Variants in KLHL38 observed in about 807,000 individuals in gnomAD.
The protein encoded by KLHL38 is kelch like family member 38, also known as kelch-like protein 38.
In KLHL38, 38 loss-of-function variants were observed where a neutral mutation model predicts 39.6. The ratio of observed to expected loss-of-function variants is 0.96; its 90% CI spans 0.74 to 1.26. The LOEUF (loss-of-function observed/expected upper bound fraction) is 1.26, where lower values mean the gene tolerates loss of function less well. Among genes scored for constraint, KLHL38 ranks in the 50% most tolerant of loss-of-function variants. The pLI is 0.00. For missense variants in KLHL38, 803 were observed against 748.1 expected (o/e 1.07, Z -0.86); for synonymous variants, 322 against 302.2 (o/e 1.07, Z -0.68).
Position 123,652,623 on chromosome 8 carries a change from C to T in KLHL38, c.304G>A (p.Asp102Asn), listed in dbSNP as rs1224698083. The change falls in exon 2 of 4, where the codon GAC (aspartate) becomes AAC (asparagine). Residue 102 changes from aspartate (D) to asparagine (N), a missense_variant. Transcript: ENST00000684634. ...GCCTCCATCACGGGGAGGACATTGT[C>T]AGTGGCAATATGTGCCTCCCCCGTA... is the stretch of plus-strand genomic sequence containing the variant. ...VYTGEAHIAT[D>N]NVLPVMEAAS... The T allele has an allele frequency of 4.3e-6, 7 of 1,614,096 alleles. No individual in the cohort carries two copies. Among genetic ancestry groups the T allele is most frequent in the Non-Finnish European group, 5.9e-6 (7 of 1,180,044 alleles).
chr8:123,645,943 A>T lies in KLHL38; in HGVS notation c.1542T>A (p.His514Gln). The T allele has an allele frequency of 6.2e-7, 1 of 1,614,090 alleles. No individual in the cohort carries two copies. Among genetic ancestry groups the T allele is most frequent in the Non-Finnish European group, 8.5e-7 (1 of 1,180,002 alleles). ...GTTTGTTTCCCATCACTGTGGCCCCATGGTGCATCCTCCGGTCTTTCATGT... is the reference window on the plus strand; with the variant it reads ...GTTTGTTTCCCATCACTGTGGCCCCTTGGTGCATCCTCCGGTCTTTCATGT... ...CADMKDRRMH[H>Q]GATVMGNKLY... The change falls in exon 4 of 4, where the codon CAT becomes CAA. Residue 514 changes from histidine to glutamine, a missense_variant. Transcript: ENST00000684634.
rs770149372 is a variant in KLHL38 at position 123,651,787 on chromosome 8, G to C, written c.1140C>G (p.Ala380=). The change falls in exon 2 of 4, where the codon GCC becomes GCG. Residue 380 remains alanine, a synonymous_variant. Transcript: ENST00000684634. ...CGATGGAGAAGATGAAGTTCTTATGGGCAGTGCTTCTGTGGGAGTAGCGGG... is the reference window on the plus strand; with the variant it reads ...CGATGGAGAAGATGAAGTTCTTATGCGCAGTGCTTCTGTGGGAGTAGCGGG... ...LVARYSHRST[A]HKNFIFSIGG... The C allele has an allele frequency of 1.2e-6, 2 of 1,614,148 alleles. No individual in the cohort carries two copies. The highest frequency in any genetic ancestry group is 2.2e-5 in the South Asian group (2 of 91,084).
rs375302916 is a variant in KLHL38, at chr8:123,651,594, G to T, written c.1333C>A (p.Pro445Thr). Residue 445 changes from proline to threonine, a missense_variant, in exon 2 of 4, where the codon CCT (proline) becomes ACT (threonine). By Grantham distance (38) the Pro-to-Thr change is conservative. Coordinates refer to ENST00000684634, the MANE Select transcript of KLHL38 (RefSeq NM_001081675.3). ...LFGGEDIMQNPVRLIQVYHIS... is the reference protein window; with the variant it reads ...LFGGEDIMQNTVRLIQVYHIS... Reference sequence around the variant, plus strand: ...CCATTTACCTGGATAAGGCGCACAGGGTTCTGCATGATGTCCTCTCCTCCA... The same window carrying T: ...CCATTTACCTGGATAAGGCGCACAGTGTTCTGCATGATGTCCTCTCCTCCA... 5.0e-6 allele frequency: 8 copies of T among 1,587,198 alleles called. No individual in the cohort carries two copies. Among genetic ancestry groups the T allele is most frequent in the South Asian group, 4.6e-5 (4 of 86,376 alleles).
At chr8:123,651,309 T>C (rs1181868577) in intron 2 of KLHL38, among the ~76,000 whole-genome samples, 1 of 152,264 alleles carries the variant, frequency 6.6e-6, no homozygotes, top group Non-Finnish European at 1.5e-5. Flanking sequence ...TGTATATGTG[T>C]ATGCATGTGC....
rs774481169 is a variant in KLHL38 at position 123,645,734 on chromosome 8, C to T, written c.*5G>A. ...TTGACTAGGGCAGAAGGTTTCTTGT[C>T]GACCTCATGGGAGGCCAGACGTGCG... On this transcript the variant is annotated 3_prime_UTR_variant, in exon 4 of 4. Transcript: ENST00000684634. 5.3e-5 allele frequency: 85 copies of T among 1,611,634 alleles called. No homozygotes were observed. In the East Asian group the frequency reaches 1.7e-3, roughly 32 times the overall value.
At chr8:123,649,577 C>T (rs1812598196) in intron 2 of KLHL38, among the ~76,000 whole-genome samples, 1 of 152,196 alleles carries the variant, frequency 6.6e-6, no homozygotes, top group Non-Finnish European at 1.5e-5. Context: ...TTACCTCATT[C>T]ACCTTTCTTG....
rs769019515 is a variant in KLHL38, at chr8:123,645,886, C to T, written c.1599G>A (p.Thr533=). ...AGGCGGAGTCCTCAATGTTGCAGTC[C>T]GTGGTCAGCCGCCGCCCGCCCGTCA... ...LYVTGGRRLT[T]DCNIEDSASF... is the part of the protein sequence containing the mutation. Residue 533 remains threonine (T), a synonymous_variant, in exon 4 of 4, where the codon ACG becomes ACA. Transcript: ENST00000684634. 8.1e-6 allele frequency: 13 copies of T among 1,613,896 alleles called. No homozygotes were observed. The highest frequency in any genetic ancestry group is 6.6e-5 in the South Asian group (6 of 91,058).
chr8:123,647,009 A>T lies in KLHL38; in HGVS notation c.1356T>A (p.Tyr452Ter). ...MQNPVRLIQV[Y>*]HISRNSWFKM... ...TGAACCACGAGTTTCTGGAAATGTG[A>T]TAAACCTGAGGGAGAGAGAGAATCA... Residue 452 changes from tyrosine (Y) to a stop codon, truncating the protein, a stop_gained, in exon 3 of 4, where the codon TAT (tyrosine) becomes TAA (stop). Transcript: ENST00000684634. LOFTEE classifies it high-confidence loss of function. The T allele has an allele frequency of 6.3e-7, 1 of 1,581,950 alleles. No homozygotes were observed. The highest frequency in any genetic ancestry group is 8.7e-7 in the Non-Finnish European group (1 of 1,151,214).
chr8:123,647,466 T>C (rs1448779786), intron 2 of KLHL38, among the ~76,000 whole-genome samples: 1 of 152,092 alleles, frequency 6.6e-6, no homozygotes, highest in African/African-American at 2.4e-5. Flanking sequence ...GTGAGGAAGG[T>C]TTTTGAACCG....
chr8:123,649,792 A>C (rs1812602175), intron 2 of KLHL38, among the ~76,000 whole-genome samples: 1 of 152,132 alleles, frequency 6.6e-6, no homozygotes, highest in Non-Finnish European at 1.5e-5. Flanking sequence ...TGGAGATTGC[A>C]TGAGGACTGA....
At position 123,645,875 on chromosome 8, in the gene KLHL38, A is replaced by G. The variant is rs781320830; in HGVS notation, c.1610T>C (p.Ile537Thr). The G allele has an allele frequency of 7.4e-6, 12 of 1,613,916 alleles. No individual in the cohort carries two copies. The highest frequency in any genetic ancestry group is 1.6e-4 in the Middle Eastern group (1 of 6,084). ...GCAATCGAAGGAGGCGGAGTCCTCA[A>G]TGTTGCAGTCCGTGGTCAGCCGCCG... ...GGRRLTTDCN[I>T]EDSASFDCYD... The change falls in exon 4 of 4, where the codon ATT (isoleucine) becomes ACT (threonine). Residue 537 changes from isoleucine (I) to threonine (T), a missense_variant. Physicochemically the swap from Ile to Thr is moderately conservative, Grantham distance 89 (BLOSUM62 -1). Transcript: ENST00000684634.
chr8:123,650,620 G>T (rs892768584), intron 2 of KLHL38, among the ~76,000 whole-genome samples: 1 of 152,126 alleles, frequency 6.6e-6, no homozygotes. Context: ...TTCACGTTCT[G>T]CAGAGATTAC....
chr8:123,653,278 G>T (rs1812692187), intron 1 of KLHL38, among the ~76,000 whole-genome samples: 1 of 152,182 alleles, frequency 6.6e-6, no homozygotes, highest in Non-Finnish European at 1.5e-5. Context: ...CCATGGATTT[G>T]ACCAGCAGAA....
rs535075249 is a variant in KLHL38 at position 123,645,569 on chromosome 8, G to T, written c.*170C>A. On this transcript the variant is annotated 3_prime_UTR_variant, in exon 4 of 4. Transcript: ENST00000684634. ...GAGAGATAAGGAGAGAGGCAGAGAAGGAGAGAGAGAGTTCTGGCAATGCAA... is the reference window on the plus strand; with the variant it reads ...GAGAGATAAGGAGAGAGGCAGAGAATGAGAGAGAGAGTTCTGGCAATGCAA... The T allele has an allele frequency of 4.9e-5, 31 of 632,764 alleles. No individual in the cohort carries two copies. In the Admixed American group the frequency reaches 6.7e-4, roughly 14 times the overall value. 39.2% of individuals were successfully genotyped at this position (632,764 alleles called of 1,614,324 possible).
chr8:123,651,420 A>G (rs1365659234), intron 2 of KLHL38, among the ~76,000 whole-genome samples, 157 bp downstream of exon 2: 2 of 152,174 alleles, frequency 1.3e-5, no homozygotes, highest in South Asian at 4.1e-4. Flanking sequence ...ATGTATGCAT[A>G]TGTGTGTTTG....
At chr8:123,647,518 G>A (rs1409927131) in intron 2 of KLHL38, among the ~76,000 whole-genome samples, 1 of 152,222 alleles carries the variant, frequency 6.6e-6, no homozygotes, top group African/African-American at 2.4e-5. Flanking sequence ...AAATGCAGCA[G>A]AGAAAGGGGA....
At position 123,645,034 on chromosome 8, in the gene KLHL38, C is replaced by CAGAGAGAGAGAG. The variant is rs1818632931; in HGVS notation, c.*704_*705insCTCTCTCTCTCT. Among the ~76,000 whole-genome samples, 1 of 19,242 alleles carries CAGAGAGAGAGAG rather than the reference C, an allele frequency of 5.2e-5. No homozygotes were observed. The highest frequency in any genetic ancestry group is 2.6e-4 in the African/African-American group (1 of 3,850). The allele number at this position is 19,242 out of a possible 152,430, so 12.6% of individuals were successfully genotyped here. On this transcript the variant is annotated 3_prime_UTR_variant, in exon 4 of 4. Transcript: ENST00000684634. The stretch of plus-strand genomic sequence containing the variant: ...GAGAGAGAGGAAGACAGAGGGGAGA[C>CAGAGAGAGAGAG]TGAGAGAGAGAGAGAGAGAGAGGGG...
chr8:123,651,933 G>T lies in KLHL38; in HGVS notation c.994C>A (p.Arg332Ser), dbSNP rs372000942. 3.1e-6 allele frequency: 5 copies of T among 1,614,112 alleles called. No homozygotes were observed. In the East Asian group the frequency reaches 8.9e-5, roughly 29 times the overall value. Reference protein sequence around the residue: ...LYKASAITLHRSIYVLGGMAV... With the variant: ...LYKASAITLHSSIYVLGGMAV... The stretch of plus-strand genomic sequence containing the variant: ...ATGCCCCCCAGCACATAGATGCTGC[G>T]GTGCAAGGTGATGGCAGAGGCCTTG... The change falls in exon 2 of 4, where the codon CGC becomes AGC. Residue 332 changes from arginine to serine, a missense_variant. Transcript: ENST00000684634.
intron 2 of KLHL38, among the ~76,000 whole-genome samples, chr8:123,651,174 G>C (rs1812634471): frequency 6.6e-6 from 1 of 152,076 alleles, no homozygotes. Context: ...AACAAGTGTT[G>C]GTATGTGTGT....
Sources: allele counts gnomAD v4.1 joint callset (sites outside exome capture counted in the v4.1 genomes callset), GRCh38; gene constraint gnomAD v4.1.1; transcripts MANE v1.5; gene names NCBI Gene and HGNC (gene_info 2026-07-23, HGNC 2026-07-21).